The following GK variants were observed in gnomAD, a reference collection of about 807,000 sequenced individuals.
GK encodes ATP:glycerol 3-phosphotransferase.
A neutral mutation model predicts 56.4 loss-of-function variants in GK; 9 were observed. The ratio of observed to expected loss-of-function variants is 0.16; its 90% CI spans 0.10 to 0.28. The LOEUF is 0.28. Among genes scored for constraint, GK ranks in the 10% least tolerant of loss-of-function variants. GK has a pLI of 1.00. For missense variants in GK, 161 were observed against 431.4 expected (o/e 0.37, Z 5.55); for synonymous variants, 104 against 144.1 (o/e 0.72, Z 1.99).
chrX:30,656,525 C>T (rs987633727), intron 1 of GK, among the ~76,000 whole-genome samples: 4 of 111,729 alleles, frequency 3.6e-5, no homozygotes, highest in Admixed American at 9.6e-5. Context: ...CCCACATATC[C>T]GCTTCTCTAC....
chrX:30,722,778 T>C (rs1312568973), intron 18 of GK, among the ~76,000 whole-genome samples: 3 of 110,223 alleles, frequency 2.7e-5, no homozygotes, highest in Non-Finnish European at 5.7e-5. Flanking sequence ...GGGGTGTGTG[T>C]GAAGAGAGAG....
intron 19 of GK, among the ~76,000 whole-genome samples, chrX:30,726,909 T>C (rs1314988777): frequency 8.9e-6 from 1 of 112,343 alleles, no homozygotes; most frequent in Non-Finnish European, 1.9e-5. Flanking sequence ...TTGAATGCTT[T>C]GTAAACAATT....
intron 19 of GK, among the ~76,000 whole-genome samples, chrX:30,726,063 T>A (rs1055907437): frequency 2.7e-5 from 3 of 111,133 alleles, no homozygotes; most frequent in African/African-American, 9.8e-5. Context: ...ACTGCAAAAT[T>A]CCCACAAAAT....
intron 11 of GK, among the ~76,000 whole-genome samples, chrX:30,707,146 C>T (rs1272938613): frequency 9.0e-6 from 1 of 110,947 alleles, no homozygotes; most frequent in East Asian, 2.8e-4. Context: ...CTGACTAACA[C>T]GGTGAAACCC....
At chrX:30,719,814 C>T (rs1478525418) in intron 15 of GK, among the ~76,000 whole-genome samples, 197 bp from the exon 16 acceptor site, 1 of 111,795 alleles carries the variant, frequency 8.9e-6, no homozygotes, top group Non-Finnish European at 1.9e-5. Flanking sequence ...ATCATCTTTT[C>T]AAATGTGTCA....
intron 13 of GK, among the ~76,000 whole-genome samples, chrX:30,715,931 G>T (rs1294544204): frequency 9.0e-6 from 1 of 111,725 alleles, no homozygotes; most frequent in Admixed American, 9.5e-5. Flanking sequence ...ATCTCCTGGA[G>T]CCTTAACAGT....
intron 18 of GK, among the ~76,000 whole-genome samples, chrX:30,723,253 G>A (rs1468882484): frequency 5.5e-5 from 6 of 109,786 alleles, no homozygotes; most frequent in Admixed American, 1.9e-4. Flanking sequence ...AAATTAGCTG[G>A]GCGTGGTGGT....
At chrX:30,655,564 C>T (rs899074116) in intron 1 of GK, among the ~76,000 whole-genome samples, 3 of 112,493 alleles carry the variant, frequency 2.7e-5, no homozygotes, top group African/African-American at 9.7e-5. Context: ...GTTTATAAAG[C>T]ACTGTGGGGG....
chrX:30,689,920 G>A (rs2147191277), intron 4 of GK, among the ~76,000 whole-genome samples: 1 of 111,879 alleles, frequency 8.9e-6, no homozygotes, highest in Non-Finnish European at 1.9e-5. Context: ...TCTTGGTTGT[G>A]GTGAGTCTTT....
intron 5 of GK, 121 bp from the exon 6 acceptor site, chrX:30,694,279 A>G (rs1935131845): frequency 4.9e-6 from 3 of 613,347 alleles, no homozygotes; most frequent in Admixed American, 2.4e-5. Context: ...TATTCATAAT[A>G]CTATGGGATT....
chrX:30,691,032 TA>T, intron 4 of GK, 90 bp from the exon 5 acceptor site: 4 of 527,331 alleles, frequency 7.6e-6, no homozygotes, highest in Non-Finnish European at 1.3e-5. Flanking sequence ...TTATAGAAAC[TA>T]ATCAGTCTTT....
At chrX:30,664,747 G>A (rs1356239574) in intron 1 of GK, among the ~76,000 whole-genome samples, 1 of 82,272 alleles carries the variant, frequency 1.2e-5, no homozygotes, top group African/African-American at 4.9e-5. Context: ...TCCTCTTGTC[G>A]CTCAGGGTGG....
intron 1 of GK, among the ~76,000 whole-genome samples, chrX:30,663,018 G>T (rs1216563313): frequency 9.1e-6 from 1 of 110,099 alleles, no homozygotes; most frequent in Admixed American, 9.9e-5. Flanking sequence ...GAGTAGCTGG[G>T]ATTACAGGCA....
At chrX:30,684,181 C>T (rs1416127683) in intron 4 of GK, among the ~76,000 whole-genome samples, 1 of 112,137 alleles carries the variant, frequency 8.9e-6, no homozygotes, top group South Asian at 3.6e-4. Flanking sequence ...AGTATGTTTA[C>T]ACACACATTT....
intron 13 of GK, among the ~76,000 whole-genome samples, chrX:30,715,214 T>C (rs1936554956): frequency 8.9e-6 from 1 of 111,960 alleles, no homozygotes; most frequent in Non-Finnish European, 1.9e-5. Context: ...CCTGCTTTAT[T>C]TTTATACTGT....
At chrX:30,671,645 A>C (rs1933515071) in intron 3 of GK, 1 of 112,145 alleles carries the variant, frequency 8.9e-6, no homozygotes, top group Non-Finnish European at 1.9e-5. Context: ...TGTTATGCTT[A>C]TCTGACAGAA....
Position 30,721,003 on chromosome X carries a change from T to G in GK, c.1501+8T>G. 8.3e-7 allele frequency: 1 copy of G among 1,205,752 alleles called. No homozygotes were observed. Among genetic ancestry groups the G allele is most frequent in the Non-Finnish European group, 1.1e-6 (1 of 890,229 alleles). ...CTCAGATTAATGCGGAGGGTACATT[T>G]AAAGAATGAAATGTTCAGTGATATA... On this transcript the variant is annotated splice_region_variant and intron_variant, in intron 18 of 20. Coordinates refer to ENST00000427190, the MANE Select transcript of GK (RefSeq NM_001205019.2).
intron 4 of GK, among the ~76,000 whole-genome samples, chrX:30,684,345 G>A (rs1934459997): frequency 9.0e-6 from 1 of 110,880 alleles, no homozygotes. Flanking sequence ...GCTTTCTGTA[G>A]AGCACAATTC....
intron 13 of GK, among the ~76,000 whole-genome samples, chrX:30,713,668 T>C (rs1430561628): frequency 8.9e-6 from 1 of 112,176 alleles, no homozygotes; most frequent in Non-Finnish European, 1.9e-5. Context: ...GACATTAAAC[T>C]CATATTAAAC....
Sources: allele counts gnomAD v4.1 joint callset (sites outside exome capture counted in the v4.1 genomes callset), GRCh38; gene constraint gnomAD v4.1.1; transcripts MANE v1.5; gene names NCBI Gene and HGNC (gene_info 2026-07-23, HGNC 2026-07-21).